The following ZNF704 variants were observed in gnomAD, a reference collection of about 807,000 sequenced individuals.
The protein encoded by ZNF704 is zinc finger protein 704.
A neutral mutation model predicts 44.7 loss-of-function variants in ZNF704; 10 were observed. The observed-to-expected ratio is 0.22, with a 90% confidence interval of 0.14 to 0.38. The LOEUF is 0.38. Ranked by LOEUF, ZNF704 falls within the 10% of genes least tolerant of loss-of-function variation. ZNF704 has a pLI of 1.00. For missense variants in ZNF704, 390 were observed against 545.5 expected (o/e 0.71, Z 2.84); for synonymous variants, 211 against 207.6 (o/e 1.02, Z -0.14).
At chr8:80,813,603 C>G (rs189588339) in intron 2 of ZNF704, among the ~76,000 whole-genome samples, 1 of 152,210 alleles carries the variant, frequency 6.6e-6, no homozygotes, top group African/African-American at 2.4e-5. Context: ...AGAGGCCGGG[C>G]GCGGTGGCTC....
chr8:80,705,710 C>T (rs1006678996), intron 2 of ZNF704, among the ~76,000 whole-genome samples: 5 of 152,102 alleles, frequency 3.3e-5, no homozygotes, highest in African/African-American at 9.6e-5. Flanking sequence ...GTGGCTGTGC[C>T]GCAGACCCTG....
At chr8:80,699,737 T>C (rs1818780155) in intron 2 of ZNF704, among the ~76,000 whole-genome samples, 1 of 152,216 alleles carries the variant, frequency 6.6e-6, no homozygotes, top group Non-Finnish European at 1.5e-5. Context: ...GCTAGGCAGT[T>C]GCTTTAATTT....
intron 2 of ZNF704, among the ~76,000 whole-genome samples, chr8:80,816,054 G>A (rs1808172197): frequency 6.6e-6 from 1 of 152,192 alleles, no homozygotes; most frequent in African/African-American, 2.4e-5. Context: ...GTCACTGTCT[G>A]TTCTTACAAC....
At chr8:80,777,313 A>T (rs933135003) in intron 2 of ZNF704, among the ~76,000 whole-genome samples, 6 of 152,188 alleles carry the variant, frequency 3.9e-5, no homozygotes, top group Non-Finnish European at 5.9e-5. Context: ...TAAAGTTAAT[A>T]TCTGCTTGTT....
rs1369911230 is a variant in ZNF704 at position 80,653,176 on chromosome 8, A to G, written c.1032+6409T>C. The stretch of plus-strand genomic sequence containing the variant: ...TATTGATGGGACATATCTCAAAATA[A>G]TAAGAGCTATCTATGGCAAACCCAT... On this transcript the variant is annotated intron_variant, in intron 7 of 8. Transcript: ENST00000327835. 3.9e-5 allele frequency among the ~76,000 whole-genome samples: 6 copies of G among 152,350 alleles called. No homozygotes were observed. The East Asian group carries it at 5.8e-4, about 15-fold the overall frequency.
At chr8:80,686,128 T>A (rs964985447) in intron 4 of ZNF704, among the ~76,000 whole-genome samples, 49 of 152,150 alleles carry the variant, frequency 3.2e-4, no homozygotes, top group African/African-American at 1.2e-3. Flanking sequence ...ATAACTGAAA[T>A]GTACCTAAAG....
intron 2 of ZNF704, among the ~76,000 whole-genome samples, chr8:80,707,654 C>G (rs1818918163): frequency 6.6e-6 from 1 of 152,154 alleles, no homozygotes; most frequent in Admixed American, 6.5e-5. Flanking sequence ...TGTGCTAATT[C>G]AAATACTATT....
At chr8:80,661,052 A>C (rs1351209943) in intron 6 of ZNF704, among the ~76,000 whole-genome samples, 2 of 152,238 alleles carry the variant, frequency 1.3e-5, no homozygotes, top group Non-Finnish European at 2.9e-5. Context: ...TCATCTGACA[A>C]GAGACTACTA....
chr8:80,694,715 A>G (rs1818698206), intron 2 of ZNF704, among the ~76,000 whole-genome samples: 1 of 152,242 alleles, frequency 6.6e-6, no homozygotes, highest in Non-Finnish European at 1.5e-5. Flanking sequence ...TGAAGTTACA[A>G]AAATTGTTAC....
chr8:80,819,855 G>C (rs1488872796), intron 2 of ZNF704, among the ~76,000 whole-genome samples: 1 of 152,068 alleles, frequency 6.6e-6, no homozygotes, highest in African/African-American at 2.4e-5. Context: ...GACAAATCTG[G>C]CAATGGGAGA....
intron 7 of ZNF704, among the ~76,000 whole-genome samples, chr8:80,653,729 T>C (rs9773432): frequency 0.032 from 4,890 of 152,168 alleles, 283 homozygotes; most frequent in African/African-American, 0.11. Flanking sequence ...TGCTCATGGA[T>C]AGGAAGAATC....
At chr8:80,808,905 T>C (rs1808037279) in intron 2 of ZNF704, among the ~76,000 whole-genome samples, 1 of 152,206 alleles carries the variant, frequency 6.6e-6, no homozygotes, top group Non-Finnish European at 1.5e-5. Flanking sequence ...TTTGGTAAAG[T>C]CTAATCACAT....
chr8:80,759,529 T>C (rs1482737347), intron 2 of ZNF704, among the ~76,000 whole-genome samples: 1 of 152,130 alleles, frequency 6.6e-6, no homozygotes, highest in East Asian at 1.9e-4. Context: ...AATTAGGCTA[T>C]ACAGACTGGG....
At chr8:80,768,081 T>G (rs1243839427) in intron 2 of ZNF704, among the ~76,000 whole-genome samples, 1 of 152,150 alleles carries the variant, frequency 6.6e-6, no homozygotes, top group Non-Finnish European at 1.5e-5. Context: ...ACACAAGCTT[T>G]GAGTGTAGAT....
chr8:80,645,261 A>T, intron 7 of ZNF704: 1 of 1,269,434 alleles, frequency 7.9e-7, no homozygotes, highest in South Asian at 1.4e-5. Flanking sequence ...TGCCATATGT[A>T]GGAGGATAGA....
chr8:80,709,442 C>CA (rs780264820), intron 2 of ZNF704, among the ~76,000 whole-genome samples: 1,017 of 15,862 alleles, frequency 0.064, 300 homozygotes, highest in Non-Finnish European at 0.091. Flanking sequence ...GACTCCATCT[C>CA]AAAAAAAAAA....
chr8:80,731,984 C>T (rs755421470), intron 2 of ZNF704, among the ~76,000 whole-genome samples: 1 of 152,220 alleles, frequency 6.6e-6, no homozygotes, highest in Non-Finnish European at 1.5e-5. Context: ...CATGTTCAAA[C>T]TAATGATAAT....
At chr8:80,869,590 T>C (rs1014843337) in intron 1 of ZNF704, among the ~76,000 whole-genome samples, 2 of 152,250 alleles carry the variant, frequency 1.3e-5, no homozygotes, top group African/African-American at 4.8e-5. Flanking sequence ...TCCCTAAGGC[T>C]TTCCAAGGAC....
At chr8:80,660,559 C>A (rs571573786) in intron 6 of ZNF704, among the ~76,000 whole-genome samples, 20 of 150,942 alleles carry the variant, frequency 1.3e-4, no homozygotes, top group Admixed American at 1.1e-3. Context: ...CAGAGTAATT[C>A]AAAATGTTGT....
Sources: allele counts gnomAD v4.1 joint callset (sites outside exome capture counted in the v4.1 genomes callset), GRCh38; gene constraint gnomAD v4.1.1; transcripts MANE v1.5; gene names NCBI Gene and HGNC (gene_info 2026-07-23, HGNC 2026-07-21).